RAPGEF5: variants seen among roughly 807,000 people sequenced by gnomAD.
RAPGEF5 encodes the protein Rap guanine nucleotide exchange factor 5.
RAPGEF5 carries 65 observed loss-of-function variants against 125.2 expected under a neutral mutation model. The ratio of observed to expected loss-of-function variants is 0.52; its 90% CI spans 0.43 to 0.64. The LOEUF (loss-of-function observed/expected upper bound fraction) is 0.64. Ranked by LOEUF, RAPGEF5 falls within the 30% of genes least tolerant of loss-of-function variation. The pLI, the probability that RAPGEF5 is intolerant of heterozygous loss-of-function variation, is 0.00. For missense variants in RAPGEF5, 958 were observed against 1,048.1 expected, an observed-to-expected ratio of 0.91 and a Z score of 1.19; for synonymous variants, 391 against 385.9, an observed-to-expected ratio of 1.01 and a Z score of -0.16.
At chr7:22,299,453 T>A (rs1488631408) in intron 5 of RAPGEF5, among the ~76,000 whole-genome samples, 1 of 152,214 alleles carries the variant, frequency 6.6e-6, no homozygotes, top group Non-Finnish European at 1.5e-5. Context: ...ATAATCATAA[T>A]ATGTATTACA....
intron 5 of RAPGEF5, among the ~76,000 whole-genome samples, chr7:22,299,431 T>G (rs1783144860): frequency 6.6e-6 from 1 of 152,132 alleles, no homozygotes; most frequent in Non-Finnish European, 1.5e-5. Flanking sequence ...CCTTCCCCAA[T>G]TATCTTTTGT....
intron 2 of RAPGEF5, among the ~76,000 whole-genome samples, chr7:22,316,860 A>G (rs370554737): frequency 1.3e-3 from 203 of 152,064 alleles, no homozygotes; most frequent in African/African-American, 4.6e-3. Flanking sequence ...TGATTTGACC[A>G]GGAACATCAA....
At chr7:22,329,058 T>C (rs1201007466) in intron 1 of RAPGEF5, among the ~76,000 whole-genome samples, 1 of 152,232 alleles carries the variant, frequency 6.6e-6, no homozygotes, top group Non-Finnish European at 1.5e-5. Context: ...TGTGTTTACT[T>C]TTCCTGTTTA....
At chr7:22,255,550 C>A (rs983798868) in intron 7 of RAPGEF5, among the ~76,000 whole-genome samples, 1 of 152,102 alleles carries the variant, frequency 6.6e-6, no homozygotes, top group Non-Finnish European at 1.5e-5. Context: ...ATGATCACAC[C>A]ACTGCACCCC....
In RAPGEF5 at chr7:22,356,070, A is replaced by G. The variant is rs1441242666; in HGVS notation, c.231+760T>C. The G allele has an allele frequency of 4.1e-6, 4 of 985,294 alleles. No individual in the cohort carries two copies. In the South Asian group the frequency reaches 1.4e-4, roughly 35 times the overall value. 61.0% of individuals were successfully genotyped at this position (985,294 alleles called of 1,614,324 possible). ...GGCGGGGCCTCCTAGGTGGCTTCTT[A>G]AAGATCCCAGGAGACAATCAGCAGA... On this transcript the variant is annotated intron_variant, in intron 1 of 25. Coordinates refer to ENST00000665637, the MANE Select transcript of RAPGEF5 (RefSeq NM_012294.5).
intron 18 of RAPGEF5, 109 bp from the exon 19 acceptor site, chr7:22,147,128 T>C (rs1251635989): frequency 2.2e-6 from 3 of 1,355,130 alleles, no homozygotes; most frequent in East Asian, 2.3e-5. Flanking sequence ...TAATCTTTTC[T>C]GAGTGCACTT....
intron 7 of RAPGEF5, among the ~76,000 whole-genome samples, chr7:22,248,990 A>G (rs1786550270): frequency 1.3e-5 from 2 of 152,182 alleles, no homozygotes; most frequent in South Asian, 4.1e-4. Flanking sequence ...ACCAGAAAAC[A>G]ATAACAGGAT....
intron 21 of RAPGEF5, among the ~76,000 whole-genome samples, chr7:22,139,472 C>T (rs1253246219): frequency 1.3e-5 from 2 of 152,224 alleles, no homozygotes; most frequent in Non-Finnish European, 2.9e-5. Flanking sequence ...ATGTCGCAGT[C>T]CACACGTCAG....
intron 1 of RAPGEF5, among the ~76,000 whole-genome samples, chr7:22,326,345 G>A (rs1319318381): frequency 2.0e-5 from 3 of 152,144 alleles, no homozygotes; most frequent in Non-Finnish European, 2.9e-5. Flanking sequence ...GACCAAACCC[G>A]GTTGCCACCT....
At chr7:22,255,681 T>C (rs1001535852) in intron 7 of RAPGEF5, among the ~76,000 whole-genome samples, 5 of 152,170 alleles carry the variant, frequency 3.3e-5, no homozygotes, top group African/African-American at 1.2e-4. Flanking sequence ...CTTAGTAAAA[T>C]ATTTTGGTAC....
intron 1 of RAPGEF5, among the ~76,000 whole-genome samples, chr7:22,349,457 T>G (rs2128388994): frequency 6.6e-6 from 1 of 151,598 alleles, no homozygotes; most frequent in Non-Finnish European, 1.5e-5. Flanking sequence ...GACTATAATT[T>G]AACATTAATT....
At chr7:22,292,293 T>C (rs1782953741) in intron 5 of RAPGEF5, among the ~76,000 whole-genome samples, 1 of 152,242 alleles carries the variant, frequency 6.6e-6, no homozygotes, top group South Asian at 2.1e-4. Flanking sequence ...ACTTCTGGCA[T>C]TGCCTTCTTG....
At chr7:22,194,410 T>C (rs1403062604) in intron 9 of RAPGEF5, among the ~76,000 whole-genome samples, 1 of 152,236 alleles carries the variant, frequency 6.6e-6, no homozygotes, top group Non-Finnish European at 1.5e-5. Context: ...ACCTGGTAGA[T>C]GTTTATTAAA....
chr7:22,146,865 A>G (rs1260971228), intron 19 of RAPGEF5, 32 bp downstream of exon 19: 11 of 1,600,240 alleles, frequency 6.9e-6, no homozygotes, highest in Non-Finnish European at 5.1e-6. Flanking sequence ...TTAAAACAGC[A>G]TTTGTATTTT....
chr7:22,153,842 G>A lies in RAPGEF5; in HGVS notation c.1786+613C>T, dbSNP rs531780077. 4.6e-5 allele frequency among the ~76,000 whole-genome samples: 7 copies of A among 152,304 alleles called. No homozygotes were observed. In the South Asian group the frequency reaches 1.5e-3, roughly 32 times the overall value. On this transcript the variant is annotated intron_variant, in intron 17 of 25. Coordinates refer to ENST00000665637, the MANE Select transcript of RAPGEF5 (RefSeq NM_012294.5). ...AGATCTGACAGGCTCCAGTGAAAAC[G>A]AAGAGGTCTGTTCAAGCCGCATAGA...
intron 11 of RAPGEF5, among the ~76,000 whole-genome samples, chr7:22,177,131 G>A (rs1562741554): frequency 2.6e-5 from 4 of 152,190 alleles, no homozygotes; most frequent in African/African-American, 9.7e-5. Context: ...ACTAAGGGAT[G>A]ACAACTGTGC....
chr7:22,224,595 G>T (rs1270267334), intron 8 of RAPGEF5, among the ~76,000 whole-genome samples: 1 of 152,092 alleles, frequency 6.6e-6, no homozygotes, highest in Non-Finnish European at 1.5e-5. Flanking sequence ...TCCCCATCTT[G>T]CTCTGCTCCC....
At chr7:22,318,229 C>T (rs1464466240) in intron 1 of RAPGEF5, among the ~76,000 whole-genome samples, 192 bp from the exon 2 acceptor site, 1 of 151,844 alleles carries the variant, frequency 6.6e-6, no homozygotes, top group African/African-American at 2.4e-5. Context: ...ATCTGGTCAA[C>T]ATTTGTAACA....
At position 22,122,081 on chromosome 7, in the gene RAPGEF5, G is replaced by A. The variant is rs908457934; in HGVS notation, c.*325C>T. 4 of 263,406 alleles carry A rather than the reference G, an allele frequency of 1.5e-5. No individual in the cohort carries two copies. The highest frequency in any genetic ancestry group is 2.2e-5 in the Non-Finnish European group (3 of 133,558). 16.3% of individuals were successfully genotyped at this position (263,406 alleles called of 1,614,324 possible). ...TTTGGTCATTGCATGTCAAGACGTTGTCTTGTCTTGATGCTGGCACATCTC... is the reference window on the plus strand; with the variant it reads ...TTTGGTCATTGCATGTCAAGACGTTATCTTGTCTTGATGCTGGCACATCTC... On this transcript the variant is annotated 3_prime_UTR_variant, in exon 26 of 26. Transcript: ENST00000665637.
Sources: allele counts gnomAD v4.1 joint callset (sites outside exome capture counted in the v4.1 genomes callset), GRCh38; gene constraint gnomAD v4.1.1; transcripts MANE v1.5; gene names NCBI Gene and HGNC (gene_info 2026-07-23, HGNC 2026-07-21).